The following GPC5 variants were observed in gnomAD, a reference collection of about 807,000 sequenced individuals.
GPC5 encodes glypican-5.
Under a neutral mutation model 53.9 loss-of-function variants are expected in GPC5, and 47 were observed. That is an observed-to-expected ratio of 0.87 (90% CI 0.69 to 1.11). GPC5 has a LOEUF of 1.11. GPC5 is among the 50% of genes most tolerant of loss of function. The pLI, the probability that GPC5 is intolerant of heterozygous loss-of-function variation, is 0.00. For synonymous variants in GPC5, 286 were observed against 263.3 expected (o/e 1.09, Z -0.84); for missense variants, 748 against 713.1 (o/e 1.05, Z -0.56).
intron 7 of GPC5, among the ~76,000 whole-genome samples, chr13:92,613,325 T>TATATA (rs1288506801): frequency 1.0e-5 from 1 of 99,452 alleles, no homozygotes; most frequent in Non-Finnish European, 1.8e-5. Flanking sequence ...AATAAATATT[T>TATATA]ATATAATATA....
intron 2 of GPC5, among the ~76,000 whole-genome samples, chr13:91,558,821 G>A (rs1452207223): frequency 6.6e-6 from 1 of 151,696 alleles, no homozygotes; most frequent in Non-Finnish European, 1.5e-5. Context: ...TCTCCAGTGA[G>A]GTCTGGATCT....
At chr13:91,452,420 T>A (rs1881248733) in intron 2 of GPC5, among the ~76,000 whole-genome samples, 1 of 152,148 alleles carries the variant, frequency 6.6e-6, no homozygotes. Context: ...CATAAATAAG[T>A]AGTGCTGTTT....
At chr13:92,418,370 T>TAGTG (rs10635980) in intron 7 of GPC5, among the ~76,000 whole-genome samples, 99,274 of 151,544 alleles carry the variant, frequency 0.66, 33,298 homozygotes, top group African/African-American at 0.8. Flanking sequence ...TATTTGCTGA[T>TAGTG]AGCACAGAGT....
chr13:91,688,763 G>A (rs868027887), intron 2 of GPC5, among the ~76,000 whole-genome samples: 1 of 151,968 alleles, frequency 6.6e-6, no homozygotes. Flanking sequence ...TAGGTTCATC[G>A]CTCCTAGGCT....
intron 7 of GPC5, among the ~76,000 whole-genome samples, chr13:92,703,178 G>A (rs957019838): frequency 6.6e-6 from 1 of 151,610 alleles, no homozygotes; most frequent in Non-Finnish European, 1.5e-5. Flanking sequence ...CATGAGCACA[G>A]GGACTTTTAT....
At chr13:92,639,302 C>T (rs1057328737) in intron 7 of GPC5, among the ~76,000 whole-genome samples, 3 of 152,124 alleles carry the variant, frequency 2.0e-5, no homozygotes, top group Non-Finnish European at 4.4e-5. Flanking sequence ...AGAATAGATT[C>T]TATTGTAAAA....
intron 7 of GPC5, among the ~76,000 whole-genome samples, chr13:92,349,036 G>A (rs1479546790): frequency 6.6e-6 from 1 of 151,990 alleles, no homozygotes; most frequent in Non-Finnish European, 1.5e-5. Flanking sequence ...CAAAGATAGG[G>A]GAAGGAAGGA....
intron 7 of GPC5, among the ~76,000 whole-genome samples, chr13:92,829,798 T>G (rs780198244): frequency 5.3e-5 from 8 of 152,140 alleles, no homozygotes; most frequent in Non-Finnish European, 7.4e-5. Context: ...ATTTCATACC[T>G]TCATGATTCT....
intron 7 of GPC5, among the ~76,000 whole-genome samples, chr13:92,322,926 A>G (rs918292472): frequency 6.6e-6 from 1 of 152,086 alleles, no homozygotes; most frequent in African/African-American, 2.4e-5. Context: ...CAAGCTTTGG[A>G]TCAGCCCTCT....
intron 7 of GPC5, among the ~76,000 whole-genome samples, chr13:92,779,348 G>A (rs988211915): frequency 6.6e-6 from 1 of 152,086 alleles, no homozygotes; most frequent in Non-Finnish European, 1.5e-5. Flanking sequence ...TGAGATTTGA[G>A]TGGGGGCACA....
intron 7 of GPC5, among the ~76,000 whole-genome samples, chr13:92,216,059 A>G (rs1480147013): frequency 6.6e-6 from 1 of 152,178 alleles, no homozygotes; most frequent in Non-Finnish European, 1.5e-5. Context: ...CCAAGTCCTA[A>G]GGCAGTTTTA....
At chr13:92,564,838 T>C (rs1307588932) in intron 7 of GPC5, among the ~76,000 whole-genome samples, 1 of 152,112 alleles carries the variant, frequency 6.6e-6, no homozygotes, top group African/African-American at 2.4e-5. Context: ...CACCATTATT[T>C]TGAGGCTAAT....
intron 7 of GPC5, among the ~76,000 whole-genome samples, chr13:92,690,695 G>A (rs1260344206): frequency 1.5e-5 from 2 of 134,034 alleles, no homozygotes; most frequent in Non-Finnish European, 3.1e-5. Context: ...CATCTTTGTG[G>A]TTTTATCTAC....
At chr13:92,838,689 C>A (rs1594540828) in intron 7 of GPC5, among the ~76,000 whole-genome samples, 1 of 152,030 alleles carries the variant, frequency 6.6e-6, no homozygotes, top group African/African-American at 2.4e-5. Flanking sequence ...TTTAAAATAA[C>A]TATGATTAAT....
chr13:91,998,844 C>A (rs1325505897), intron 6 of GPC5, among the ~76,000 whole-genome samples: 2 of 152,060 alleles, frequency 1.3e-5, no homozygotes, highest in Non-Finnish European at 2.9e-5. Context: ...ATGAGAAAAC[C>A]TAAACCATCC....
At chr13:92,615,198 A>G (rs1884640221) in intron 7 of GPC5, among the ~76,000 whole-genome samples, 1 of 152,336 alleles carries the variant, frequency 6.6e-6, no homozygotes, top group East Asian at 1.9e-4. Context: ...TTCTCATTCA[A>G]AGTCCACTGC....
At chr13:91,943,064 A>G (rs2039942392) in intron 6 of GPC5, among the ~76,000 whole-genome samples, 1 of 152,098 alleles carries the variant, frequency 6.6e-6, no homozygotes, top group Non-Finnish European at 1.5e-5. Flanking sequence ...CTGTTTTCTG[A>G]CATGCTTTAA....
chr13:91,918,085 G>A lies in GPC5; in HGVS notation c.1401+10028G>A, dbSNP rs374541839. 7.2e-5 allele frequency among the ~76,000 whole-genome samples: 11 copies of A among 152,270 alleles called. No homozygotes were observed. In the South Asian group the frequency reaches 1.5e-3, roughly 20 times the overall value. On this transcript the variant is annotated intron_variant, in intron 6 of 7. Coordinates refer to ENST00000377067, the MANE Select transcript of GPC5 (RefSeq NM_004466.6). ...TGACTCACAGTTTTGCATTGCTGGG[G>A]AGGCCTCAGGAAACTTACAATTATG...
chr13:91,503,811 A>AATC (rs1414051328), intron 2 of GPC5, among the ~76,000 whole-genome samples: 4 of 143,756 alleles, frequency 2.8e-5, no homozygotes, highest in African/African-American at 1.1e-4. Context: ...TAATAATAAT[A>AATC]ATAATAATCA....
Sources: gnomAD v4.1 joint callset for allele counts (sites outside exome capture counted in the v4.1 genomes callset) on GRCh38, gnomAD v4.1.1 for gene constraint, MANE v1.5 for transcripts, NCBI Gene and HGNC (gene_info 2026-07-23, HGNC 2026-07-21) for gene names.